The following TFCP2L1 variants were observed in gnomAD, a reference collection of about 807,000 sequenced individuals.
TFCP2L1 encodes transcription factor CP2 like 1.
A neutral mutation model predicts 72.2 loss-of-function variants in TFCP2L1; 12 were observed. The observed-to-expected ratio is 0.17, with a 90% CI of 0.11 to 0.27. The LOEUF is 0.27. TFCP2L1 is among the 10% of genes least tolerant of loss of function. The pLI, the probability that TFCP2L1 is intolerant of heterozygous loss-of-function variation, is 1.00. For missense variants in TFCP2L1, 488 were observed against 624.6 expected (o/e 0.78, Z 2.33); for synonymous variants, 260 against 251.0 (o/e 1.04, Z -0.34).
intron 2 of TFCP2L1, among the ~76,000 whole-genome samples, chr2:121,255,871 T>C (rs565233398): frequency 2.0e-5 from 3 of 152,022 alleles, no homozygotes; most frequent in South Asian, 4.2e-4. Flanking sequence ...GGCTCCCGAG[T>C]AGCTGGGACT....
intron 6 of TFCP2L1, among the ~76,000 whole-genome samples, chr2:121,244,041 C>T (rs1309929127): frequency 6.6e-6 from 1 of 152,040 alleles, no homozygotes; most frequent in Non-Finnish European, 1.5e-5. Flanking sequence ...ACAGATCCAG[C>T]GTCCCGGGTA....
intron 10 of TFCP2L1, 75 bp from the exon 11 acceptor site, chr2:121,235,386 C>T: frequency 6.9e-7 from 1 of 1,458,736 alleles, no homozygotes. Context: ...CAGCTGCAGA[C>T]CCCATAGCAC....
chr2:121,236,599 T>C (rs1460390935), intron 10 of TFCP2L1, among the ~76,000 whole-genome samples: 1 of 152,192 alleles, frequency 6.6e-6, no homozygotes, highest in Non-Finnish European at 1.5e-5. Flanking sequence ...TACAATTCTA[T>C]AGACACAATG....
chr2:121,280,209 G>C (rs1162260858), intron 2 of TFCP2L1, among the ~76,000 whole-genome samples: 1 of 148,876 alleles, frequency 6.7e-6, no homozygotes, highest in African/African-American at 2.5e-5. Context: ...AAAAAAAAAG[G>C]CAGCTCCAAG....
chr2:121,263,549 A>C (rs1686869087), intron 2 of TFCP2L1, among the ~76,000 whole-genome samples: 1 of 152,120 alleles, frequency 6.6e-6, no homozygotes, highest in Non-Finnish European at 1.5e-5. Flanking sequence ...ACGAGAAATC[A>C]GACAAATACA....
intron 1 of TFCP2L1, among the ~76,000 whole-genome samples, chr2:121,283,560 T>A (rs944020973): frequency 2.0e-5 from 3 of 152,118 alleles, no homozygotes; most frequent in African/African-American, 4.8e-5. Context: ...TCCTAAAAGG[T>A]ACCTGAGCTA....
intron 2 of TFCP2L1, among the ~76,000 whole-genome samples, chr2:121,265,157 T>C (rs1265914122): frequency 6.6e-6 from 1 of 152,178 alleles, no homozygotes; most frequent in African/African-American, 2.4e-5. Flanking sequence ...AGGAATGAAA[T>C]ACTGATATAT....
chr2:121,230,232 C>A (rs1300520439), intron 13 of TFCP2L1, among the ~76,000 whole-genome samples: 1 of 152,148 alleles, frequency 6.6e-6, no homozygotes, highest in African/African-American at 2.4e-5. Flanking sequence ...AGTGCAATGG[C>A]ATGATCTCAG....
intron 2 of TFCP2L1, among the ~76,000 whole-genome samples, chr2:121,269,561 G>C (rs866616520): frequency 6.6e-6 from 1 of 152,050 alleles, no homozygotes; most frequent in East Asian, 1.9e-4. Flanking sequence ...AACAGTTGTC[G>C]ACCACGCTGG....
chr2:121,279,143 C>A (rs1687206361), intron 2 of TFCP2L1, among the ~76,000 whole-genome samples: 1 of 152,160 alleles, frequency 6.6e-6, no homozygotes. Context: ...TGGACCCACT[C>A]TTCAGCACCA....
At chr2:121,253,712 G>A (rs189233304) in intron 2 of TFCP2L1, among the ~76,000 whole-genome samples, 4 of 152,188 alleles carry the variant, frequency 2.6e-5, no homozygotes, top group African/African-American at 9.7e-5. Flanking sequence ...TTGAACAAAG[G>A]GTAAAGCCAT....
intron 6 of TFCP2L1, 98 bp from the exon 7 acceptor site, chr2:121,242,567 G>A (rs575264254): frequency 2.2e-4 from 252 of 1,157,272 alleles, no homozygotes; most frequent in Non-Finnish European, 2.6e-4. Context: ...GCCCCAGGGC[G>A]CAGGGAGGAA....
rs1686563745 is a variant in TFCP2L1 at position 121,249,603 on chromosome 2, C to T, written c.259G>A (p.Asp87Asn). The stretch of plus-strand genomic sequence containing the variant: ...TATTTTGTGTTCAGATCTTGAAAGT[C>T]TCCCAGCTTCCGATTCTCCAGTAGT... ...IRLLENRKLG[D>N]FQDLNTKYVK... Residue 87 changes from aspartate to asparagine, a missense_variant, in exon 3 of 15, where the codon GAC becomes AAC. Asp to Asn is a conservative substitution (Grantham distance 23). This residue lies in a region of TFCP2L1 where 129 missense variants were observed against 236.0 expected (regional missense o/e 0.55). Transcript: ENST00000263707. 4.3e-6 allele frequency: 7 copies of T among 1,614,262 alleles called. No homozygotes were observed. The highest frequency in any genetic ancestry group is 5.9e-6 in the Non-Finnish European group (7 of 1,180,048).
At chr2:121,245,562 G>A (rs1446232877) in intron 6 of TFCP2L1, among the ~76,000 whole-genome samples, 2 of 152,146 alleles carry the variant, frequency 1.3e-5, no homozygotes, top group Admixed American at 6.5e-5. Context: ...TAACCAAGGC[G>A]TCCCAAACCA....
intron 2 of TFCP2L1, among the ~76,000 whole-genome samples, chr2:121,254,079 G>A (rs1686664080): frequency 6.6e-6 from 1 of 152,196 alleles, no homozygotes. Flanking sequence ...GCTGGGCGTG[G>A]GTGGAAGCCA....
intron 2 of TFCP2L1, among the ~76,000 whole-genome samples, chr2:121,255,842 AC>A (rs1686706574): frequency 1.3e-5 from 2 of 151,330 alleles, no homozygotes; most frequent in East Asian, 3.9e-4. Flanking sequence ...TCCCGGGTTC[AC>A]GCCATTCTCC....
chr2:121,242,346 C>T lies in TFCP2L1; in HGVS notation c.768+13G>A. The T allele has an allele frequency of 6.2e-7, 1 of 1,612,368 alleles. No individual in the cohort carries two copies. Among genetic ancestry groups the T allele is most frequent in the South Asian group, 1.1e-5 (1 of 91,062 alleles). On this transcript the variant is annotated intron_variant, in intron 7 of 14. Coordinates refer to ENST00000263707, the MANE Select transcript of TFCP2L1 (RefSeq NM_014553.3). ...ACCCTTGGAGGCTCTGTCCCCGCAC[C>T]CAGCCGGCTCACCTCTGTGAGGATG...
At chr2:121,280,019 T>A (rs1687223607) in intron 2 of TFCP2L1, among the ~76,000 whole-genome samples, 1 of 152,070 alleles carries the variant, frequency 6.6e-6, no homozygotes. Context: ...CGCATACTCA[T>A]AATCATGATA....
At chr2:121,247,541 T>C (rs1001641829) in intron 5 of TFCP2L1, among the ~76,000 whole-genome samples, 2 of 151,098 alleles carry the variant, frequency 1.3e-5, no homozygotes, top group East Asian at 1.9e-4. Context: ...ATTAAGAGTA[T>C]TGTAATTGTA....
Sources: allele counts gnomAD v4.1 joint callset (sites outside exome capture counted in the v4.1 genomes callset), GRCh38; gene constraint gnomAD v4.1.1; regional missense constraint gnomAD v4.1.1; transcripts MANE v1.5; gene names NCBI Gene and HGNC (gene_info 2026-07-23, HGNC 2026-07-21).